Variants in MGAT4C observed in about 807,000 individuals in gnomAD.
MGAT4C encodes the protein alpha-1,3-mannosyl-glycoprotein 4-beta-N-acetylglucosaminyltransferase C.
A neutral mutation model predicts 40.1 loss-of-function variants in MGAT4C; 19 were observed. The ratio of observed to expected loss-of-function variants is 0.47; its 90% CI spans 0.33 to 0.70. The LOEUF (loss-of-function observed/expected upper bound fraction) is 0.70. Ranked by LOEUF, MGAT4C falls within the 30% of genes least tolerant of loss-of-function variation. MGAT4C has a pLI of 0.02. For missense variants in MGAT4C, 491 were observed against 563.2 expected (o/e 0.87, Z 1.30); for synonymous variants, 181 against 187.1 (o/e 0.97, Z 0.27).
chr12:86,007,305 G>A (rs1887984649), intron 2 of MGAT4C, among the ~76,000 whole-genome samples: 1 of 152,028 alleles, frequency 6.6e-6, no homozygotes, highest in African/African-American at 2.4e-5. Flanking sequence ...CTTCCACCTA[G>A]ATGAGTCCAT....
At chr12:86,227,623 C>T (rs1951144603) in intron 1 of MGAT4C, among the ~76,000 whole-genome samples, 2 of 151,726 alleles carry the variant, frequency 1.3e-5, no homozygotes, top group South Asian at 4.1e-4. Flanking sequence ...AATATATTGC[C>T]CTAATTGCCT....
intron 4 of MGAT4C, among the ~76,000 whole-genome samples, chr12:86,308,523 A>G (rs1294769045): frequency 6.6e-6 from 1 of 150,702 alleles, no homozygotes. Context: ...GGAAAAAAAA[A>G]TAGGGATTTA....
chr12:86,555,731 C>T (rs1014844281), intron 2 of MGAT4C, among the ~76,000 whole-genome samples: 3 of 152,168 alleles, frequency 2.0e-5, no homozygotes, highest in Non-Finnish European at 4.4e-5. Context: ...ATGCAGAGCG[C>T]CCTTTTGACC....
At chr12:86,555,097 G>C (rs1476748423) in intron 2 of MGAT4C, among the ~76,000 whole-genome samples, 1 of 151,480 alleles carries the variant, frequency 6.6e-6, no homozygotes, top group African/African-American at 2.4e-5. Context: ...TAAGGGGCTT[G>C]GTGACTTAAT....
intron 1 of MGAT4C, among the ~76,000 whole-genome samples, chr12:86,789,098 C>T (rs1384653314): frequency 3.3e-5 from 5 of 152,080 alleles, no homozygotes; most frequent in Admixed American, 2.0e-4. Context: ...CAAACAATAT[C>T]AAGCAAAGGA....
Position 85,983,658 on chromosome 12 carries a change from G to T in MGAT4C, c.160C>A (p.Gln54Lys). 6.3e-7 allele frequency: 1 copy of T among 1,575,846 alleles called. No individual in the cohort carries two copies. The highest frequency in any genetic ancestry group is 8.6e-7 in the Non-Finnish European group (1 of 1,163,604). ...TGTGTGGATGTTTCCCTTATAAGTT[G>T]TTTGTCTCCTTCCTAAATACCAAGA... ...EDSYVLEGDK[Q>K]LIRETSTHQL... The change falls in exon 4 of 5, where the codon CAA becomes AAA. Residue 54 changes from glutamine to lysine, a missense_variant. Transcript: ENST00000611864.
chr12:86,468,210 C>A (rs1217598809), intron 2 of MGAT4C, among the ~76,000 whole-genome samples: 1 of 152,146 alleles, frequency 6.6e-6, no homozygotes, highest in African/African-American at 2.4e-5. Context: ...ACAACCATCC[C>A]CATGTTCATT....
intron 1 of MGAT4C, among the ~76,000 whole-genome samples, chr12:86,181,016 A>C (rs1051766295): frequency 6.6e-6 from 1 of 152,154 alleles, no homozygotes; most frequent in South Asian, 2.1e-4. Context: ...CACGTGTTGC[A>C]AGAGGGACCC....
intron 2 of MGAT4C, among the ~76,000 whole-genome samples, chr12:85,994,901 T>A (rs1886435680): frequency 6.6e-6 from 1 of 152,106 alleles, no homozygotes; most frequent in Admixed American, 6.5e-5. Flanking sequence ...TGATTGATAG[T>A]AAAATACTGA....
chr12:86,805,190 G>C (rs1262104965), intron 1 of MGAT4C, among the ~76,000 whole-genome samples: 2 of 151,904 alleles, frequency 1.3e-5, no homozygotes, highest in Non-Finnish European at 2.9e-5. Context: ...TAGTGGGATT[G>C]AACAACTATT....
intron 4 of MGAT4C, among the ~76,000 whole-genome samples, chr12:86,294,779 C>A (rs1953619802): frequency 1.3e-5 from 2 of 152,102 alleles, no homozygotes; most frequent in African/African-American, 4.8e-5. Context: ...TCCTATTTTG[C>A]AATAATAGTA....
At chr12:86,253,368 G>C (rs1008680057) in intron 1 of MGAT4C, among the ~76,000 whole-genome samples, 3 of 151,766 alleles carry the variant, frequency 2.0e-5, no homozygotes, top group African/African-American at 7.2e-5. Context: ...AAGAAAGAAA[G>C]AGAAATTGAT....
rs533070924 is a variant in MGAT4C, at chr12:86,805,057, A to T, written c.-262+33609T>A. ...CTACAAAGTGTTTGTTGCCAATTAT[A>T]TTGTTATCAGAAATGCACATTTGTC... On this transcript the variant is annotated intron_variant, in intron 1 of 7. Transcript: ENST00000548651. Among the ~76,000 whole-genome samples, 6 of 152,126 alleles carry T rather than the reference A, an allele frequency of 3.9e-5. No homozygotes were observed. The South Asian group carries it at 8.3e-4, about 21-fold the overall frequency.
At chr12:86,569,668 T>C (rs1960283677) in intron 2 of MGAT4C, among the ~76,000 whole-genome samples, 1 of 151,994 alleles carries the variant, frequency 6.6e-6, no homozygotes, top group African/African-American at 2.4e-5. Flanking sequence ...TACCAAAAAT[T>C]GGGCAATTCT....
chr12:86,490,541 T>A (rs1376730326), intron 2 of MGAT4C, among the ~76,000 whole-genome samples: 1 of 151,280 alleles, frequency 6.6e-6, no homozygotes, highest in Non-Finnish European at 1.5e-5. Context: ...CCAGCTAACA[T>A]CATAATGACA....
In MGAT4C at chr12:86,343,611, A is replaced by G. The variant is rs1324810932; in HGVS notation, c.-119-9484T>C. On this transcript the variant is annotated intron_variant, in intron 3 of 7. Transcript: ENST00000548651. The stretch of plus-strand genomic sequence containing the variant: ...AAAACATTAAAAAATTGAGAAATGC[A>G]TTGTGTAAAACCGAAAGACAAACCT... 2.0e-5 allele frequency among the ~76,000 whole-genome samples: 3 copies of G among 152,216 alleles called. No individual in the cohort carries two copies. In the East Asian group the frequency reaches 5.8e-4, roughly 29 times the overall value.
chr12:85,970,253 T>C lies in MGAT4C; in HGVS notation c.*9036A>G, dbSNP rs1484513305. ...TGTCATTTTCCATTGATTTTGTTTATATAAATAATATTGAATTATTTATAT... is the reference window on the plus strand; with the variant it reads ...TGTCATTTTCCATTGATTTTGTTTACATAAATAATATTGAATTATTTATAT... On this transcript the variant is annotated 3_prime_UTR_variant, in exon 5 of 5. Coordinates refer to ENST00000611864, the MANE Select transcript of MGAT4C (RefSeq NM_001351288.2). The C allele has an allele frequency of 6.6e-6, 1 of 151,406 alleles. No homozygotes were observed. Among genetic ancestry groups the C allele is most frequent in the African/African-American group, 2.4e-5 (1 of 41,404 alleles). The allele number at this position is 151,406 out of a possible 1,614,324, so 9.4% of individuals were successfully genotyped here. A position where few individuals can be genotyped will look rare whatever the true frequency, so the allele number is the denominator to read the frequency against.
At chr12:86,754,015 A>G (rs1951263069) in intron 1 of MGAT4C, among the ~76,000 whole-genome samples, 1 of 152,172 alleles carries the variant, frequency 6.6e-6, no homozygotes, top group Non-Finnish European at 1.5e-5. Flanking sequence ...CTGAAAGCAT[A>G]TTTATATAGA....
intron 4 of MGAT4C, among the ~76,000 whole-genome samples, chr12:86,268,554 T>C (rs1342735277): frequency 6.6e-6 from 1 of 150,908 alleles, no homozygotes; most frequent in Non-Finnish European, 1.5e-5. Context: ...CATAGATTTT[T>C]GAAGGGTCCA....
Sources: allele counts gnomAD v4.1 joint callset (sites outside exome capture counted in the v4.1 genomes callset), GRCh38; gene constraint gnomAD v4.1.1; transcripts MANE v1.5; gene names NCBI Gene and HGNC (gene_info 2026-07-23, HGNC 2026-07-21).